EXOC4: variants seen among roughly 807,000 people sequenced by gnomAD.
The protein encoded by EXOC4 is exocyst complex component 4, also known as SEC8-like 1.
A neutral mutation model predicts 107.2 loss-of-function variants in EXOC4; 71 were observed. The observed-to-expected ratio is 0.66, with a 90% confidence interval of 0.55 to 0.81. The LOEUF is 0.81. EXOC4 is among the 30% of genes least tolerant of loss of function. EXOC4 has a pLI of 0.00. For missense variants in EXOC4, 1,108 were observed against 1,189.6 expected (o/e 0.93, Z 1.01); for synonymous variants, 456 against 441.2 (o/e 1.03, Z -0.42).
chr7:133,397,455 A>G (rs563398063), intron 7 of EXOC4, among the ~76,000 whole-genome samples: 3 of 152,040 alleles, frequency 2.0e-5, no homozygotes, highest in Admixed American at 2.0e-4. Context: ...CTTACCTGTC[A>G]CCTAAAGTTG....
intron 10 of EXOC4, among the ~76,000 whole-genome samples, chr7:133,647,422 T>C (rs1177929339): frequency 1.3e-5 from 2 of 152,114 alleles, no homozygotes; most frequent in African/African-American, 4.8e-5. Flanking sequence ...TAGTATCTAA[T>C]TTAGTATTCC....
In EXOC4 at chr7:133,994,983, G is replaced by T. The variant is rs971839746; in HGVS notation, c.2207-2509G>T. Among the ~76,000 whole-genome samples, 5 of 152,230 alleles carry T rather than the reference G, an allele frequency of 3.3e-5. No individual in the cohort carries two copies. In the South Asian group the frequency reaches 8.3e-4, roughly 25 times the overall value. The stretch of plus-strand genomic sequence containing the variant: ...TTTGTAAGTTTCAGTAAGCCCTGAG[G>T]AGTTCACAAGCCAACTTTCTAGTAG... On this transcript the variant is annotated intron_variant, in intron 14 of 17. Coordinates refer to ENST00000253861, the MANE Select transcript of EXOC4 (RefSeq NM_021807.4).
intron 11 of EXOC4, among the ~76,000 whole-genome samples, chr7:133,860,856 A>G (rs1240087013): frequency 6.7e-6 from 1 of 149,746 alleles, no homozygotes. Flanking sequence ...GTATGATCTC[A>G]ACATGTATGT....
intron 11 of EXOC4, among the ~76,000 whole-genome samples, chr7:133,854,408 G>GCACACACA (rs56849407): frequency 0.018 from 2,474 of 139,510 alleles, 24 homozygotes; most frequent in African/African-American, 0.023. Context: ...TGTTGAAAGA[G>GCACACACA]CACACACACA....
At chr7:133,282,657 CAAAT>C (rs912564675) in intron 2 of EXOC4, among the ~76,000 whole-genome samples, 8 of 151,610 alleles carry the variant, frequency 5.3e-5, no homozygotes, top group Non-Finnish European at 7.4e-5. Context: ...TAAAAATTGA[CAAAT>C]AAAAATTACA....
intron 1 of EXOC4, among the ~76,000 whole-genome samples, chr7:133,258,202 G>A (rs1394076542): frequency 1.3e-5 from 2 of 152,222 alleles, no homozygotes; most frequent in African/African-American, 2.4e-5. Context: ...GGCAGCATAT[G>A]TGAACGTAAG....
Position 133,885,112 on chromosome 7 carries a change from G to A in EXOC4, c.1735-10487G>A, listed in dbSNP as rs1285815483. The stretch of plus-strand genomic sequence containing the variant: ...AGGCGGATCATGAGGTCAGGAGATC[G>A]AGACCAGCCTGACTAACATGGTGAA... On this transcript the variant is annotated intron_variant, in intron 11 of 17. Transcript: ENST00000253861. Among the ~76,000 whole-genome samples, 8 of 152,096 alleles carry A rather than the reference G, an allele frequency of 5.3e-5. No homozygotes were observed. The East Asian group carries it at 5.8e-4, about 11-fold the overall frequency.
At chr7:134,020,487 T>C (rs1054045287) in intron 17 of EXOC4, among the ~76,000 whole-genome samples, 1 of 152,234 alleles carries the variant, frequency 6.6e-6, no homozygotes, top group African/African-American at 2.4e-5. Flanking sequence ...CTTTTCTAGA[T>C]TATTTTAAAT....
chr7:134,041,581 C>G (rs1051195624), intron 17 of EXOC4, among the ~76,000 whole-genome samples: 1 of 152,072 alleles, frequency 6.6e-6, no homozygotes, highest in Non-Finnish European at 1.5e-5. Flanking sequence ...TTAATATATG[C>G]TTTCCAGATC....
chr7:133,750,843 A>C (rs921122742), intron 10 of EXOC4, among the ~76,000 whole-genome samples: 1 of 152,092 alleles, frequency 6.6e-6, no homozygotes, highest in East Asian at 1.9e-4. Flanking sequence ...GTCCTCCCAA[A>C]GTGTTGGGGC....
intron 14 of EXOC4, among the ~76,000 whole-genome samples, chr7:133,974,248 TTGTC>T (rs1222905304): frequency 6.6e-6 from 1 of 152,218 alleles, no homozygotes; most frequent in East Asian, 1.9e-4. Flanking sequence ...TCCAAGTTCT[TTGTC>T]TGTACTAGTC....
chr7:134,077,444 C>A, the EXOC4 span, among the ~76,000 whole-genome samples: 41 of 152,304 alleles, frequency 2.7e-4, 1 homozygote, highest in East Asian at 6.8e-3. Flanking sequence ...TAATGTCTTA[C>A]CAGCTATCTG....
chr7:133,441,925 T>C (rs1798114664), intron 7 of EXOC4, among the ~76,000 whole-genome samples: 1 of 152,196 alleles, frequency 6.6e-6, no homozygotes, highest in African/African-American at 2.4e-5. Context: ...GAGATGGGAT[T>C]CCTTGAGCAG....
intron 14 of EXOC4, among the ~76,000 whole-genome samples, chr7:133,959,964 C>G (rs1208439652): frequency 1.3e-5 from 2 of 151,972 alleles, no homozygotes; most frequent in Non-Finnish European, 2.9e-5. Context: ...TCTACCAAAC[C>G]GAAGGAGTTT....
chr7:133,537,299 C>CA (rs1584984161), intron 9 of EXOC4, among the ~76,000 whole-genome samples: 1 of 147,820 alleles, frequency 6.8e-6, no homozygotes, highest in Non-Finnish European at 1.5e-5. Context: ...TACAGGCACC[C>CA]CCCCCCCCAC....
chr7:133,429,743 A>G (rs1460793414), intron 7 of EXOC4, among the ~76,000 whole-genome samples: 1 of 152,222 alleles, frequency 6.6e-6, no homozygotes, highest in East Asian at 1.9e-4. Context: ...ATTTAGCATA[A>G]TGTTTTCAAG....
chr7:133,878,496 A>G (rs923290686), intron 11 of EXOC4, among the ~76,000 whole-genome samples: 1 of 152,224 alleles, frequency 6.6e-6, no homozygotes, highest in African/African-American at 2.4e-5. Flanking sequence ...AATATATCAT[A>G]GATGGTGTTA....
chr7:133,404,750 G>A (rs898390257), intron 7 of EXOC4, among the ~76,000 whole-genome samples: 25 of 152,122 alleles, frequency 1.6e-4, no homozygotes, highest in African/African-American at 1.4e-4. Flanking sequence ...AAAAGGCTGC[G>A]TGCAGTGGCT....
Position 133,301,238 on chromosome 7 carries a change from C to T in EXOC4, c.472-4639C>T, listed in dbSNP as rs1027007271. Among the ~76,000 whole-genome samples, 6 of 152,124 alleles carry T rather than the reference C, an allele frequency of 3.9e-5. No individual in the cohort carries two copies. In the South Asian group the frequency reaches 8.3e-4, roughly 21 times the overall value. ...CAGCGGCAGGTAGGTGACCTGGGCA[C>T]TAAGTAAATCTAGGCTTCAGGGCAT... is the stretch of plus-strand genomic sequence containing the variant. On this transcript the variant is annotated intron_variant, in intron 3 of 17. Transcript: ENST00000253861.
Sources: allele counts gnomAD v4.1 joint callset (sites outside exome capture counted in the v4.1 genomes callset), GRCh38; gene constraint gnomAD v4.1.1; transcripts MANE v1.5; gene names NCBI Gene and HGNC (gene_info 2026-07-23, HGNC 2026-07-21).